The following PSD3 variants were observed in gnomAD, a reference collection of about 807,000 sequenced individuals.
PSD3 encodes the protein PH and SEC7 domain-containing protein 3.
PSD3 carries 49 observed loss-of-function variants against 105.5 expected under a neutral mutation model. The observed-to-expected ratio is 0.46, with a 90% confidence interval of 0.37 to 0.59. The LOEUF (loss-of-function observed/expected upper bound fraction) is 0.59, where lower values mean the gene tolerates loss of function less well. PSD3 is among the 20% of genes least tolerant of loss of function. The pLI is 0.00. For synonymous variants in PSD3, 557 were observed against 457.8 expected (o/e 1.22, Z -2.77); for missense variants, 1,561 against 1,263.8 (o/e 1.24, Z -3.57).
At chr8:18,851,373 A>G (rs17127324) in intron 4 of PSD3, among the ~76,000 whole-genome samples, 5,618 of 152,294 alleles carry the variant, frequency 0.037, 347 homozygotes, top group African/African-American at 0.13. Context: ...AAATATAACA[A>G]TAGACCAAAG....
intron 2 of PSD3, among the ~76,000 whole-genome samples, chr8:18,934,572 G>C (rs1260842286): frequency 6.6e-6 from 1 of 151,970 alleles, no homozygotes; most frequent in Non-Finnish European, 1.5e-5. Context: ...CACCGCGCCC[G>C]GCTAATTTTT....
chr8:18,634,025 G>A (rs554278363), intron 10 of PSD3, among the ~76,000 whole-genome samples: 67 of 152,116 alleles, frequency 4.4e-4, no homozygotes, highest in South Asian at 1.7e-3. Context: ...TAGTGACGCC[G>A]AGTATTTTTT....
At chr8:19,083,417 CA>C (rs1399099488) in intron 1 of PSD3, among the ~76,000 whole-genome samples, 20 of 152,236 alleles carry the variant, frequency 1.3e-4, no homozygotes, top group Middle Eastern at 6.8e-3. Context: ...TGATCAGAGG[CA>C]GAGCCCGTAG....
At chr8:19,030,181 G>C (rs1007509452) in intron 1 of PSD3, among the ~76,000 whole-genome samples, 2 of 152,146 alleles carry the variant, frequency 1.3e-5, no homozygotes, top group Non-Finnish European at 2.9e-5. Context: ...TATCATGAAT[G>C]GGTATTGAAT....
intron 10 of PSD3, among the ~76,000 whole-genome samples, chr8:18,643,358 G>C (rs1369911875): frequency 6.6e-6 from 1 of 152,090 alleles, no homozygotes; most frequent in Non-Finnish European, 1.5e-5. Context: ...TTCTGTCTGT[G>C]GCCTCTGAAA....
At chr8:19,009,759 C>T (rs1165557789) in intron 1 of PSD3, among the ~76,000 whole-genome samples, 9 of 151,850 alleles carry the variant, frequency 5.9e-5, no homozygotes, top group Non-Finnish European at 2.9e-5. Flanking sequence ...GGCGCAGTGG[C>T]GTGTACCTGT....
At chr8:18,767,835 T>C (rs1022650870) in intron 8 of PSD3, among the ~76,000 whole-genome samples, 1 of 152,090 alleles carries the variant, frequency 6.6e-6, no homozygotes. Flanking sequence ...CATAAATGTA[T>C]GCTTTTCAAG....
intron 9 of PSD3, among the ~76,000 whole-genome samples, chr8:18,670,747 G>A (rs1165939209): frequency 6.6e-6 from 1 of 152,130 alleles, no homozygotes; most frequent in African/African-American, 2.4e-5. Context: ...CATTGTTACG[G>A]TATGTTTCCA....
chr8:18,731,798 A>T (rs1359779446), intron 9 of PSD3, among the ~76,000 whole-genome samples: 3 of 152,190 alleles, frequency 2.0e-5, no homozygotes, highest in East Asian at 3.9e-4. Context: ...AACACTTGCC[A>T]TTTGAACAGA....
chr8:18,602,176 T>C (rs1009455191), intron 11 of PSD3, among the ~76,000 whole-genome samples: 8 of 152,156 alleles, frequency 5.3e-5, no homozygotes, highest in Admixed American at 6.5e-5. Flanking sequence ...TTTATTGGCA[T>C]CTTGCGATCC....
intron 9 of PSD3, among the ~76,000 whole-genome samples, chr8:18,717,232 AT>A (rs1298712780): frequency 5.3e-5 from 8 of 151,692 alleles, no homozygotes; most frequent in East Asian, 3.9e-4. Context: ...GTTTATTTTA[AT>A]TTTTTTTTCA....
At chr8:18,917,606 G>A (rs1563418519) in intron 2 of PSD3, among the ~76,000 whole-genome samples, 1 of 152,078 alleles carries the variant, frequency 6.6e-6, no homozygotes, top group Non-Finnish European at 1.5e-5. Context: ...GCTTGAAGTC[G>A]CAGTTTCCAA....
chr8:18,789,492 T>C (rs941052514), intron 8 of PSD3, among the ~76,000 whole-genome samples: 4 of 152,196 alleles, frequency 2.6e-5, no homozygotes, highest in Non-Finnish European at 5.9e-5. Context: ...AAAAATCTTA[T>C]CAGTTTCAGT....
At chr8:19,073,716 G>T (rs1829350134) in intron 1 of PSD3, among the ~76,000 whole-genome samples, 1 of 152,048 alleles carries the variant, frequency 6.6e-6, no homozygotes. Flanking sequence ...TTTTAGTTCA[G>T]GGGTCACAGC....
chr8:18,749,355 C>T (rs1805289961), intron 9 of PSD3, among the ~76,000 whole-genome samples: 1 of 152,204 alleles, frequency 6.6e-6, no homozygotes, highest in South Asian at 2.1e-4. Flanking sequence ...GTGCTACCAT[C>T]TCAAAGGGGC....
At chr8:18,550,173 A>C (rs17126799) in intron 15 of PSD3, among the ~76,000 whole-genome samples, 5,200 of 152,284 alleles carry the variant, frequency 0.034, 185 homozygotes, top group African/African-American at 0.094. Flanking sequence ...AGTCATTTCA[A>C]ATCACATGAT....
rs1479369135 is a variant in PSD3, at chr8:18,684,899, G to C, written c.2173-29214C>G. On this transcript the variant is annotated intron_variant, in intron 9 of 15. Transcript: ENST00000327040. ...AGCCTCTGAGTACGAATCACAAACT[G>C]GAGATTACTAGAAAACAAGACCATT... Among the ~76,000 whole-genome samples the C allele has an allele frequency of 1.3e-5, 2 of 152,160 alleles. 1 individual carries two copies. The highest frequency in any genetic ancestry group is 3.9e-4 in the East Asian group (2 of 5,194).
chr8:18,807,682 T>A (rs1811322257), intron 4 of PSD3, among the ~76,000 whole-genome samples: 1 of 152,196 alleles, frequency 6.6e-6, no homozygotes. Flanking sequence ...ATGGTAACCC[T>A]CAACACCTTG....
chr8:18,996,118 TCTTA>T (rs1194902436), intron 1 of PSD3, among the ~76,000 whole-genome samples: 1 of 151,250 alleles, frequency 6.6e-6, no homozygotes, highest in Admixed American at 6.6e-5. Context: ...TTCTTTAAAT[TCTTA>T]CTCTTATTAC....
Sources: gnomAD v4.1 joint callset for allele counts (sites outside exome capture counted in the v4.1 genomes callset) on GRCh38, gnomAD v4.1.1 for gene constraint, MANE v1.5 for transcripts, NCBI Gene and HGNC (gene_info 2026-07-23, HGNC 2026-07-21) for gene names.